PPARGC1B: variants seen among roughly 807,000 people sequenced by gnomAD.
The protein encoded by PPARGC1B is peroxisome proliferator-activated receptor gamma coactivator 1-beta.
PPARGC1B carries 34 observed loss-of-function variants against 101.6 expected under a neutral mutation model. The ratio of observed to expected loss-of-function variants is 0.33; its 90% CI spans 0.25 to 0.45. The LOEUF is 0.45. Among genes scored for constraint, PPARGC1B ranks in the 20% least tolerant of loss-of-function variants. The probability of loss-of-function intolerance (pLI) is 1.00; values close to 1 mark genes in which losing one functional copy is unlikely to be tolerated. For synonymous variants in PPARGC1B, 548 were observed against 539.3 expected (o/e 1.02, Z -0.22); for missense variants, 1,234 against 1,317.6 (o/e 0.94, Z 0.98).
intron 1 of PPARGC1B, among the ~76,000 whole-genome samples, chr5:149,755,052 C>CATATACATATACATATAT (rs1360005539): frequency 9.2e-6 from 1 of 108,956 alleles, no homozygotes; most frequent in African/African-American, 3.8e-5. Flanking sequence ...TATACATATA[C>CATATACATATACATATAT]ATATATATAT....
intron 1 of PPARGC1B, among the ~76,000 whole-genome samples, chr5:149,779,844 C>T (rs1206016584): frequency 2.6e-5 from 4 of 152,250 alleles, no homozygotes; most frequent in South Asian, 2.1e-4. Context: ...AGGATGTATC[C>T]GGGATGCAGG....
At chr5:149,791,018 G>A (rs1420007141) in intron 1 of PPARGC1B, among the ~76,000 whole-genome samples, 1 of 152,090 alleles carries the variant, frequency 6.6e-6, no homozygotes, top group Admixed American at 6.6e-5. Context: ...ACCAGGTGTG[G>A]TGGTTCACTC....
intron 1 of PPARGC1B, among the ~76,000 whole-genome samples, chr5:149,753,746 T>G (rs1394428433): frequency 1.3e-5 from 2 of 151,930 alleles, no homozygotes; most frequent in Non-Finnish European, 2.9e-5. Context: ...CAGGTTGGAG[T>G]GCAGTGGTGT....
At chr5:149,805,253 G>A (rs1215570745) in intron 1 of PPARGC1B, among the ~76,000 whole-genome samples, 8 of 152,180 alleles carry the variant, frequency 5.3e-5, no homozygotes, top group African/African-American at 1.9e-4. Context: ...CCATGGACTT[G>A]GGGAGTGGTT....
At chr5:149,806,051 C>T (rs757271244) in intron 1 of PPARGC1B, among the ~76,000 whole-genome samples, 17 of 152,242 alleles carry the variant, frequency 1.1e-4, no homozygotes, top group Non-Finnish European at 2.4e-4. Context: ...CTGACAAGCC[C>T]AGGCTGGTGT....
At chr5:149,807,281 G>A (rs557718250) in intron 1 of PPARGC1B, among the ~76,000 whole-genome samples, 2 of 151,990 alleles carry the variant, frequency 1.3e-5, no homozygotes, top group Non-Finnish European at 2.9e-5. Context: ...CCAAAGTCAG[G>A]TACTTTGTCA....
chr5:149,784,560 C>CTTTTTTTCT (rs1204928127), intron 1 of PPARGC1B, among the ~76,000 whole-genome samples: 6 of 75,704 alleles, frequency 7.9e-5, no homozygotes, highest in African/African-American at 3.4e-4. Context: ...AACTGAGTTT[C>CTTTTTTTCT]TTTTTTTTTT....
chr5:149,741,908 G>A (rs1754922704), intron 1 of PPARGC1B, among the ~76,000 whole-genome samples: 1 of 152,188 alleles, frequency 6.6e-6, no homozygotes, highest in African/African-American at 2.4e-5. Flanking sequence ...GGGATTACAA[G>A]CGTGAGCCAC....
At chr5:149,768,177 T>G (rs1755988426) in intron 1 of PPARGC1B, among the ~76,000 whole-genome samples, 1 of 152,214 alleles carries the variant, frequency 6.6e-6, no homozygotes, top group Non-Finnish European at 1.5e-5. Flanking sequence ...TCTCCGGATA[T>G]TCCGCCTTGA....
chr5:149,832,201 C>T lies in PPARGC1B; in HGVS notation c.583-455C>T, dbSNP rs913152599. The stretch of plus-strand genomic sequence containing the variant: ...ATGCACGCCTGTAATCCCAACTACT[C>T]GGGAGGCTGAGGCAGGAGAATCGCT... On this transcript the variant is annotated intron_variant, in intron 4 of 11. Transcript: ENST00000309241. The surrounding 1 kb of genome is among the most constrained non-coding windows in gnomAD (Gnocchi z 4.9). Among the ~76,000 whole-genome samples, 3 of 151,904 alleles carry T rather than the reference C, an allele frequency of 2.0e-5. No homozygotes were observed. The highest frequency in any genetic ancestry group is 4.4e-5 in the Non-Finnish European group (3 of 67,972).
intron 3 of PPARGC1B, 50 bp from the exon 4 acceptor site, chr5:149,830,717 C>T (rs754067938): frequency 2.1e-6 from 3 of 1,397,572 alleles, no homozygotes; most frequent in Non-Finnish European, 3.1e-6. Flanking sequence ...AGTCCATGTC[C>T]TCTGGCTGTG....
intron 10 of PPARGC1B, among the ~76,000 whole-genome samples, chr5:149,843,045 G>A (rs1003639478): frequency 1.3e-5 from 2 of 152,306 alleles, no homozygotes; most frequent in African/African-American, 2.4e-5. Flanking sequence ...GTGCACTCCT[G>A]TATTCCCAGC....
chr5:149,847,613 T>A lies in PPARGC1B; in HGVS notation c.*55T>A. 1 of 1,335,510 alleles carries A rather than the reference T, an allele frequency of 7.5e-7. No homozygotes were observed. The highest frequency in any genetic ancestry group is 1.1e-6 in the Non-Finnish European group (1 of 935,294). The allele number at this position is 1,335,510 out of a possible 1,614,324, so 82.7% of individuals were successfully genotyped here. A position where few individuals can be genotyped will look rare whatever the true frequency, so the allele number is the denominator to read the frequency against. On this transcript the variant is annotated 3_prime_UTR_variant, in exon 12 of 12. Coordinates refer to ENST00000309241, the MANE Select transcript of PPARGC1B (RefSeq NM_133263.4). ...AATACCTCAGACAAGGCCCTTCCAA[T>A]ATGTTTACGTTTTCAAAGAAATCAA...
intron 1 of PPARGC1B, among the ~76,000 whole-genome samples, chr5:149,810,928 CTT>C (rs1010601652): frequency 1.4e-4 from 21 of 152,294 alleles, no homozygotes; most frequent in African/African-American, 4.8e-4. Context: ...CATCATAAGA[CTT>C]TATTTCCTGT....
At chr5:149,809,289 C>CATAG (rs202133455) in intron 1 of PPARGC1B, among the ~76,000 whole-genome samples, 313 of 12,730 alleles carry the variant, frequency 0.025, 50 homozygotes, top group African/African-American at 0.035. Flanking sequence ...CCATCTCTAC[C>CATAG]ATAGATAGAT....
rs1040659035 is a variant in PPARGC1B, at chr5:149,735,210, T to C, written c.78+4790T>C. ...ACCAGAGACCTGGGCTCCACTTTCA[T>C]TGGGATTCCCTGGCTGGTGCTAATG... is the stretch of plus-strand genomic sequence containing the variant. On this transcript the variant is annotated intron_variant, in intron 1 of 11. Transcript: ENST00000309241. 5.3e-5 allele frequency among the ~76,000 whole-genome samples: 8 copies of C among 152,192 alleles called. 1 individual carries two copies. The highest frequency in any genetic ancestry group is 1.0e-4 in the Non-Finnish European group (7 of 68,036).
intron 1 of PPARGC1B, among the ~76,000 whole-genome samples, chr5:149,735,612 G>A (rs963832899): frequency 1.3e-5 from 2 of 152,226 alleles, no homozygotes; most frequent in Non-Finnish European, 2.9e-5. Flanking sequence ...TGTGCAAAAT[G>A]TAGGTGCTGT....
intron 6 of PPARGC1B, among the ~76,000 whole-genome samples, chr5:149,834,996 A>G (rs1440765831): frequency 6.6e-6 from 1 of 152,244 alleles, no homozygotes; most frequent in African/African-American, 2.4e-5. Context: ...TGTGGCTTTC[A>G]GCAAGTCCGT....
Position 149,758,174 on chromosome 5 carries a change from C to G in PPARGC1B, c.78+27754C>G, listed in dbSNP as rs545720522. On this transcript the variant is annotated intron_variant, in intron 1 of 11. Transcript: ENST00000309241. ...GGTGGTAAGGCTAAATTAAAGGTCA[C>G]TTGGCCAACTCGTTGGTGTACTCTG... 6.6e-5 allele frequency among the ~76,000 whole-genome samples: 10 copies of G among 152,374 alleles called. No homozygotes were observed. The East Asian group carries it at 1.9e-3, about 29-fold the overall frequency.
Sources: allele counts gnomAD v4.1 joint callset (sites outside exome capture counted in the v4.1 genomes callset), GRCh38; gene constraint gnomAD v4.1.1; non-coding constraint Gnocchi (gnomAD v3.1); transcripts MANE v1.5; gene names NCBI Gene and HGNC (gene_info 2026-07-23, HGNC 2026-07-21).